The following RERE variants were observed in gnomAD, a reference collection of about 807,000 sequenced individuals.
RERE encodes the protein arginine-glutamic acid dipeptide repeats.
In RERE, 40 loss-of-function variants were observed where a neutral mutation model predicts 146.1. The observed-to-expected ratio is 0.27, with a 90% CI of 0.21 to 0.36. The LOEUF is 0.36. Ranked by LOEUF, RERE falls within the 10% of genes least tolerant of loss-of-function variation. RERE has a pLI of 1.00. For missense variants in RERE, 1,933 were observed against 2,138.7 expected (o/e 0.90, Z 1.90); for synonymous variants, 1,003 against 866.0 (o/e 1.16, Z -2.78).
At chr1:8,455,843 C>G (rs1644447178) in intron 11 of RERE, among the ~76,000 whole-genome samples, 1 of 152,232 alleles carries the variant, frequency 6.6e-6, no homozygotes, top group African/African-American at 2.4e-5. Flanking sequence ...CCTGGTGCAG[C>G]AGGGCCTGCA....
intron 2 of RERE, among the ~76,000 whole-genome samples, chr1:8,636,080 C>T (rs1368352875): frequency 6.6e-6 from 1 of 152,174 alleles, no homozygotes; most frequent in Non-Finnish European, 1.5e-5. Context: ...CCTCCGCCTC[C>T]CAGGTTCAAG....
In RERE at chr1:8,452,885, C is replaced by T. The variant is rs138114951; in HGVS notation, c.1203+13040G>A. Among the ~76,000 whole-genome samples, 65 of 152,286 alleles carry T rather than the reference C, an allele frequency of 4.3e-4. 1 individual carries two copies. The highest frequency in any genetic ancestry group is 1.4e-3 in the African/African-American group (57 of 41,566). ...ATACTCAGGCTCAGTAGAGTGCACC[C>T]GTACACATGCCCATCTTCGTAACGG... is the stretch of plus-strand genomic sequence containing the variant. On this transcript the variant is annotated intron_variant, in intron 11 of 22. Coordinates refer to ENST00000400908, the MANE Select transcript of RERE (RefSeq NM_001042681.2).
intron 1 of RERE, among the ~76,000 whole-genome samples, chr1:8,695,587 TAAAA>T (rs34953565): frequency 2.7e-5 from 1 of 36,740 alleles, no homozygotes; most frequent in African/African-American, 1.2e-4. Context: ...CCATTTCTAC[TAAAA>T]AAAAAAAAAA....
chr1:8,389,867 G>A (rs529232286), intron 12 of RERE, among the ~76,000 whole-genome samples: 7 of 152,236 alleles, frequency 4.6e-5, no homozygotes, highest in South Asian at 4.2e-4. Context: ...TCTCTTAAAC[G>A]CATCCACTTC....
intron 12 of RERE, among the ~76,000 whole-genome samples, chr1:8,385,397 CTG>C (rs1484966125): frequency 6.6e-6 from 1 of 152,190 alleles, no homozygotes. Flanking sequence ...AAAGTTGACT[CTG>C]TGCCTTAAGC....
rs1638849487 is a variant in RERE, at chr1:8,676,758, T to G, written c.-144-20317A>C. ...CAGGGATGAGTACCAAATAGGGCAG[T>G]TATTGCTGGTCACTAACTTGAACTG... On this transcript the variant is annotated intron_variant, in intron 1 of 22. Transcript: ENST00000400908. 4.6e-5 allele frequency among the ~76,000 whole-genome samples: 7 copies of G among 152,272 alleles called. No homozygotes were observed. The South Asian group carries it at 1.5e-3, about 32-fold the overall frequency.
chr1:8,588,071 CCACAGCAGTAAACAAAA>C (rs1646448793), intron 4 of RERE, among the ~76,000 whole-genome samples: 1 of 152,312 alleles, frequency 6.6e-6, no homozygotes, highest in East Asian at 1.9e-4. Flanking sequence ...AAGCCTGAAG[CCACAGCAGTAAACAAAA>C]CAAGCAGATG....
At chr1:8,535,648 GGAGA>G (rs1393550916) in intron 7 of RERE, among the ~76,000 whole-genome samples, 1 of 152,150 alleles carries the variant, frequency 6.6e-6, no homozygotes, top group Non-Finnish European at 1.5e-5. Context: ...TGTCAGTCTA[GGAGA>G]GAGAAAGTAT....
At chr1:8,363,552 C>T (rs1292044125) in intron 15 of RERE, among the ~76,000 whole-genome samples, 1 of 152,194 alleles carries the variant, frequency 6.6e-6, no homozygotes, top group Non-Finnish European at 1.5e-5. Flanking sequence ...CCCTCAGCCC[C>T]AAACCTGGAA....
chr1:8,633,520 C>T (rs1198027444), intron 2 of RERE, among the ~76,000 whole-genome samples: 1 of 152,194 alleles, frequency 6.6e-6, no homozygotes, highest in Non-Finnish European at 1.5e-5. Flanking sequence ...TCACAACAAT[C>T]CCGTGAGTGA....
rs537217574 is a variant in RERE at position 8,574,675 on chromosome 1, C to G, written c.523-17152G>C. ...CATGCTAAGCCAAAAAAATCAGACA[C>G]GAACAAATATATATTGCATTTCATT... On this transcript the variant is annotated intron_variant, in intron 4 of 22. Transcript: ENST00000400908. Among the ~76,000 whole-genome samples, 3 of 152,102 alleles carry G rather than the reference C, an allele frequency of 2.0e-5. No individual in the cohort carries two copies. The East Asian group carries it at 5.8e-4, about 29-fold the overall frequency.
intron 4 of RERE, among the ~76,000 whole-genome samples, chr1:8,573,582 T>C (rs1311069746): frequency 6.6e-6 from 1 of 152,172 alleles, no homozygotes; most frequent in Non-Finnish European, 1.5e-5. Context: ...TTTTCCACCA[T>C]TACAACCTTG....
intron 1 of RERE, among the ~76,000 whole-genome samples, chr1:8,800,477 G>T (rs1467457216): frequency 6.6e-6 from 1 of 152,090 alleles, no homozygotes; most frequent in Non-Finnish European, 1.5e-5. Flanking sequence ...TCTGATATAT[G>T]AAAAGATCAT....
intron 1 of RERE, among the ~76,000 whole-genome samples, chr1:8,708,239 G>A (rs919980795): frequency 4.6e-5 from 7 of 152,186 alleles, no homozygotes; most frequent in Admixed American, 6.5e-5. Context: ...AATCATGGGG[G>A]CAGGTCTTTC....
intron 11 of RERE, among the ~76,000 whole-genome samples, chr1:8,461,602 C>A (rs1187152119): frequency 6.6e-6 from 1 of 152,104 alleles, no homozygotes; most frequent in East Asian, 1.9e-4. Flanking sequence ...AGTGTCTCAG[C>A]CCCAAAGCAA....
At chr1:8,607,108 C>T (rs1646722866) in intron 4 of RERE, among the ~76,000 whole-genome samples, 1 of 152,076 alleles carries the variant, frequency 6.6e-6, no homozygotes, top group Non-Finnish European at 1.5e-5. Context: ...CAATTGTAAC[C>T]CTAACCCTTT....
At chr1:8,724,395 G>C (rs924211912) in intron 1 of RERE, among the ~76,000 whole-genome samples, 1 of 152,128 alleles carries the variant, frequency 6.6e-6, no homozygotes, top group South Asian at 2.1e-4. Flanking sequence ...CAAAACGTGA[G>C]TAATACTGTC....
At chr1:8,558,796 T>C (rs1646037044) in intron 4 of RERE, among the ~76,000 whole-genome samples, 1 of 150,452 alleles carries the variant, frequency 6.6e-6, no homozygotes, top group South Asian at 2.1e-4. Context: ...TTTTTTTCCT[T>C]TTCTTTTTTT....
chr1:8,359,838 G>C lies in RERE; in HGVS notation c.3544C>G (p.Arg1182Gly), dbSNP rs2124364403. ...REAEQKAREE[R>G]EREKEKEKER... The stretch of plus-strand genomic sequence containing the variant: ...TTCTCCTTCTCCTTCTCCCGCTCTC[G>C]CTCCTCTCGGGCTTTCTGCTCAGCC... Residue 1182 changes from arginine to glycine, a missense_variant, in exon 19 of 23, where the codon CGA (arginine) becomes GGA (glycine). Coordinates refer to ENST00000400908, the MANE Select transcript of RERE (RefSeq NM_001042681.2). 1 of 1,609,902 alleles carries C rather than the reference G, an allele frequency of 6.2e-7. No homozygotes were observed. Among genetic ancestry groups the C allele is most frequent in the Non-Finnish European group, 8.5e-7 (1 of 1,179,950 alleles).
Sources: gnomAD v4.1 joint callset for allele counts (sites outside exome capture counted in the v4.1 genomes callset) on GRCh38, gnomAD v4.1.1 for gene constraint, MANE v1.5 for transcripts, NCBI Gene and HGNC (gene_info 2026-07-23, HGNC 2026-07-21) for gene names.